CEP350: variants seen among roughly 807,000 people sequenced by gnomAD.
The protein encoded by CEP350 is centrosomal protein 350.
A neutral mutation model predicts 331.8 loss-of-function variants in CEP350; 126 were observed. The observed-to-expected ratio is 0.38, with a 90% confidence interval of 0.33 to 0.44. The LOEUF (loss-of-function observed/expected upper bound fraction) is 0.44, where lower values mean the gene tolerates loss of function less well. Among genes scored for constraint, CEP350 ranks in the 20% least tolerant of loss-of-function variants. The probability of loss-of-function intolerance (pLI) is 1.00; values close to 1 mark genes in which losing one functional copy is unlikely to be tolerated. For synonymous variants in CEP350, 1,200 were observed against 1,259.5 expected, an observed-to-expected ratio of 0.95 and a Z score of 1.00; for missense variants, 3,406 against 3,634.6, an observed-to-expected ratio of 0.94 and a Z score of 1.62.
chr1:179,985,908 A>T (rs1652613385), intron 1 of CEP350, among the ~76,000 whole-genome samples: 1 of 152,158 alleles, frequency 6.6e-6, no homozygotes, highest in South Asian at 2.1e-4. Flanking sequence ...TCTTACAGTA[A>T]TTCTAATTTT....
Position 180,093,980 on chromosome 1 carries a change from C to T in CEP350, c.7875C>T (p.Ala2625=). Residue 2625 remains alanine (A), a synonymous_variant, in exon 34 of 38, where the codon GCC becomes GCT. Transcript: ENST00000367607. ...TACCTAGTGTGAATGATATAGAAGCCTCAGTTAATAGAAGTAGAAGCCTTA... is the reference window on the plus strand; with the variant it reads ...TACCTAGTGTGAATGATATAGAAGCTTCAGTTAATAGAAGTAGAAGCCTTA... ...KSLPSVNDIE[A]SVNRSRSLKI... 6.2e-7 allele frequency: 1 copy of T among 1,613,736 alleles called. No individual in the cohort carries two copies. Among genetic ancestry groups the T allele is most frequent in the Non-Finnish European group, 8.5e-7 (1 of 1,179,808 alleles).
chr1:180,109,016 C>T (rs1433673781), intron 37 of CEP350, among the ~76,000 whole-genome samples: 1 of 152,120 alleles, frequency 6.6e-6, no homozygotes, highest in Non-Finnish European at 1.5e-5. Context: ...CTGTTCTTCC[C>T]CTCTCTTACT....
chr1:180,011,184 A>G (rs944002707), intron 8 of CEP350, among the ~76,000 whole-genome samples: 3 of 152,172 alleles, frequency 2.0e-5, no homozygotes, highest in African/African-American at 7.2e-5. Context: ...ACTGTTTTGT[A>G]CATAGAAAAG....
chr1:179,995,485 A>G (rs1232890829), intron 5 of CEP350, among the ~76,000 whole-genome samples: 1 of 152,146 alleles, frequency 6.6e-6, no homozygotes. Context: ...CACACCTGTA[A>G]TCCCAGCTAC....
chr1:180,090,910 A>G (rs1660156319), intron 33 of CEP350, 114 bp downstream of exon 33: 1 of 847,710 alleles, frequency 1.2e-6, no homozygotes, highest in Non-Finnish European at 1.6e-6. Context: ...TTTCTTAAGT[A>G]GATTATTTAA....
chr1:180,054,000 G>A (rs944112082), intron 24 of CEP350, 66 bp downstream of exon 24: 8 of 1,280,594 alleles, frequency 6.2e-6, no homozygotes, highest in Non-Finnish European at 8.4e-6. Context: ...TATATTTTAA[G>A]ATTTTTTTGT....
rs78303554 is a variant in CEP350, at chr1:180,010,776, T to A, written c.1247-1153T>A. Among the ~76,000 whole-genome samples the A allele has an allele frequency of 6.0e-3, 905 of 151,990 alleles. 6 individuals are homozygous for A. The highest frequency in any genetic ancestry group is 0.021 in the African/African-American group (868 of 41,476). ...ATCACTGTACCCAGCTAATTTTTTT[T>A]AATCTTAATTCTTTGTAGAAACAGG... On this transcript the variant is annotated intron_variant, in intron 8 of 37. Coordinates refer to ENST00000367607, the MANE Select transcript of CEP350 (RefSeq NM_014810.5).
Position 180,093,423 on chromosome 1 carries a change from A to G in CEP350, c.7318A>G (p.Ser2440Gly), listed in dbSNP as rs1199351006. 1 of 1,599,028 alleles carries G rather than the reference A, an allele frequency of 6.3e-7. No individual in the cohort carries two copies. Among genetic ancestry groups the G allele is most frequent in the Non-Finnish European group, 8.5e-7 (1 of 1,172,390 alleles). Reference protein sequence around the residue: ...GSNEEISECLSEKSLSIHSNV... With the variant: ...GSNEEISECLGEKSLSIHSNV... Reference sequence around the variant, plus strand: ...TAATGAGGAAATCAGTGAGTGCCTAAGTGAGAAAAGCCTTTCTATCCATAG... The same window carrying G: ...TAATGAGGAAATCAGTGAGTGCCTAGGTGAGAAAAGCCTTTCTATCCATAG... The change falls in exon 34 of 38, where the codon AGT becomes GGT. Residue 2440 changes from serine to glycine, a missense_variant. By Grantham distance (56) the Ser-to-Gly change is moderately conservative (BLOSUM62 0). Transcript: ENST00000367607.
rs1318552434 is a variant in CEP350 at position 179,998,307 on chromosome 1, T to TC, written c.1018+1132_1018+1133insC. Among the ~76,000 whole-genome samples, 413 of 136,166 alleles carry TC rather than the reference T, an allele frequency of 3.0e-3. 10 individuals carry two copies. Among genetic ancestry groups the TC allele is most frequent in the South Asian group, 0.013 (54 of 4,166 alleles). 89.3% of individuals were successfully genotyped at this position (136,166 alleles called of 152,430 possible). A position where few individuals can be genotyped will look rare whatever the true frequency, so the allele number is the denominator to read the frequency against. ...ATAATTTGTTTCTTCTATTTTCTTT[T>TC]TTTTTTTTTTTTTTTTTTTAAGACA... On this transcript the variant is annotated intron_variant, in intron 6 of 37. Coordinates refer to ENST00000367607, the MANE Select transcript of CEP350 (RefSeq NM_014810.5).
At chr1:179,994,532 C>T (rs1258972649) in intron 5 of CEP350, among the ~76,000 whole-genome samples, 1 of 150,590 alleles carries the variant, frequency 6.6e-6, no homozygotes, top group African/African-American at 2.5e-5. Flanking sequence ...CAGCTCACTA[C>T]AGCCTTGATC....
intron 9 of CEP350, among the ~76,000 whole-genome samples, chr1:180,013,586 CT>C (rs1176701099): frequency 6.6e-6 from 1 of 152,072 alleles, no homozygotes; most frequent in Non-Finnish European, 1.5e-5. Context: ...TAAGAGCTAT[CT>C]TTTTTGTCCA....
intron 36 of CEP350, among the ~76,000 whole-genome samples, chr1:180,097,474 C>T (rs906362853): frequency 6.6e-6 from 1 of 152,174 alleles, no homozygotes; most frequent in African/African-American, 2.4e-5. Flanking sequence ...ATGGAATTTC[C>T]GGGCACGTTG....
chr1:179,966,451 G>A (rs931805340), intron 1 of CEP350, among the ~76,000 whole-genome samples: 1 of 152,112 alleles, frequency 6.6e-6, no homozygotes, highest in Non-Finnish European at 1.5e-5. Flanking sequence ...GTATAAGCTG[G>A]AAGGTGTAGT....
intron 6 of CEP350, 45 bp downstream of exon 6, chr1:179,997,220 C>A (rs752816986): frequency 6.4e-7 from 1 of 1,556,878 alleles, no homozygotes; most frequent in Non-Finnish European, 8.7e-7. Context: ...CTTCTTTGTT[C>A]TTCTTTCTCC....
intron 27 of CEP350, among the ~76,000 whole-genome samples, chr1:180,065,732 A>G (rs1658509760): frequency 6.6e-6 from 1 of 152,012 alleles, no homozygotes; most frequent in African/African-American, 2.4e-5. Flanking sequence ...CACTCCAGCC[A>G]GGGTGACAGA....
chr1:179,987,301 CT>C lies in CEP350; in HGVS notation c.120+17del. Reference sequence around the variant, plus strand: ...CCAAGGCTGCTGTAAGTAGTTTTAGCTTCCATTTATTTATTTCTGGATTAAA... The same window carrying C: ...CCAAGGCTGCTGTAAGTAGTTTTAGCTCCATTTATTTATTTCTGGATTAAA... On this transcript the variant is annotated intron_variant, in intron 3 of 37. Coordinates refer to ENST00000367607, the MANE Select transcript of CEP350 (RefSeq NM_014810.5). The C allele has an allele frequency of 6.8e-7, 1 of 1,462,198 alleles. No homozygotes were observed. Among genetic ancestry groups the C allele is most frequent in the Non-Finnish European group, 9.5e-7 (1 of 1,052,754 alleles). 90.6% of individuals were successfully genotyped at this position (1,462,198 alleles called of 1,614,324 possible).
chr1:180,065,296 CTTG>C, intron 27 of CEP350, 24 bp downstream of exon 27: 4 of 1,590,320 alleles, frequency 2.5e-6, no homozygotes, highest in South Asian at 1.1e-5. Flanking sequence ...ATAAATATCT[CTTG>C]TTTAGTTACA....
rs182343546 is a variant in CEP350 at position 179,985,082 on chromosome 1, A to G, written c.-13-1087A>G. Reference sequence around the variant, plus strand: ...TTAAGTACATTCATATTGTTGTACAACCATCACCACCATCCATTTCCAGAT... The same window carrying G: ...TTAAGTACATTCATATTGTTGTACAGCCATCACCACCATCCATTTCCAGAT... On this transcript the variant is annotated intron_variant, in intron 1 of 37. Transcript: ENST00000367607. Among the ~76,000 whole-genome samples, 226 of 152,324 alleles carry G rather than the reference A, an allele frequency of 1.5e-3. 1 individual carries two copies. Among genetic ancestry groups the G allele is most frequent in the African/African-American group, 5.0e-3 (209 of 41,568 alleles).
Position 179,996,600 on chromosome 1 carries a change from C to T in CEP350, c.443C>T (p.Ser148Leu). The T allele has an allele frequency of 6.3e-7, 1 of 1,594,942 alleles. No individual in the cohort carries two copies. The highest frequency in any genetic ancestry group is 1.1e-5 in the South Asian group (1 of 87,958). ...PSNFSSSHLE[S>L]KHVYCVDVNE... is the part of the protein sequence containing the mutation. The stretch of plus-strand genomic sequence containing the variant: ...AATTTCAGTTCCAGCCATCTGGAAT[C>T]AAAGCACGTATACTGTGTAGATGTT... The change falls in exon 6 of 38, where the codon TCA (serine) becomes TTA (leucine). Residue 148 changes from serine (S) to leucine (L), a missense_variant. Physicochemically the swap from Ser to Leu is moderately radical, Grantham distance 145. Coordinates refer to ENST00000367607, the MANE Select transcript of CEP350 (RefSeq NM_014810.5).
Sources: gnomAD v4.1 joint callset for allele counts (sites outside exome capture counted in the v4.1 genomes callset) on GRCh38, gnomAD v4.1.1 for gene constraint, MANE v1.5 for transcripts, NCBI Gene and HGNC (gene_info 2026-07-23, HGNC 2026-07-21) for gene names.